Variants in ABLIM2 observed in about 807,000 individuals in gnomAD.
ABLIM2 encodes actin binding LIM protein family member 2.
Under a neutral mutation model 97.7 loss-of-function variants are expected in ABLIM2, and 53 were observed. That is an observed-to-expected ratio of 0.54 (90% CI 0.44 to 0.68). The LOEUF (loss-of-function observed/expected upper bound fraction) is 0.68. Ranked by LOEUF, ABLIM2 falls within the 30% of genes least tolerant of loss-of-function variation. ABLIM2 has a pLI of 0.00. For missense variants in ABLIM2, 835 were observed against 867.2 expected (o/e 0.96, Z 0.47); for synonymous variants, 361 against 345.8 (o/e 1.04, Z -0.49).
Position 8,112,039 on chromosome 4 carries a change from T to C in ABLIM2, c.11-5402A>G, listed in dbSNP as rs1433630447. Among the ~76,000 whole-genome samples the C allele has an allele frequency of 6.6e-6, 1 of 152,156 alleles. No homozygotes were observed. The highest frequency in any genetic ancestry group is 1.5e-5 in the Non-Finnish European group (1 of 68,030). Reference sequence around the variant, plus strand: ...ATTTGGCTTAACAAGTCTCTAACTGTGATAATAACATAGAACATAAACTCA... The same window carrying C: ...ATTTGGCTTAACAAGTCTCTAACTGCGATAATAACATAGAACATAAACTCA... On this transcript the variant is annotated intron_variant, in intron 1 of 20. Transcript: ENST00000447017. This position sits in a 1 kb window ranked among gnomAD's most constrained non-coding sequence, Gnocchi z 4.2.
chr4:8,040,353 G>A (rs538995292), intron 9 of ABLIM2, among the ~76,000 whole-genome samples: 2 of 152,178 alleles, frequency 1.3e-5, no homozygotes, highest in African/African-American at 4.8e-5. Context: ...GCTCACACCT[G>A]TACCCCCAGC....
rs929500561 is a variant in ABLIM2, at chr4:8,072,409, C to T, written c.675+5219G>A. Among the ~76,000 whole-genome samples the T allele has an allele frequency of 1.3e-5, 2 of 152,194 alleles. No homozygotes were observed. Among genetic ancestry groups the T allele is most frequent in the African/African-American group, 2.4e-5 (1 of 41,454 alleles). On this transcript the variant is annotated intron_variant, in intron 6 of 20. Transcript: ENST00000447017. The surrounding 1 kb of genome is among the most constrained non-coding windows in gnomAD (Gnocchi z 5.8). The stretch of plus-strand genomic sequence containing the variant: ...CCCCAGTTTGGGTGGGGTCTGCCCC[C>T]GACCCCAGGCCAGGGCCTCTCTGGT...
In ABLIM2 at chr4:8,095,814, C is replaced by T. The variant is rs968546525; in HGVS notation, c.338+1285G>A. Among the ~76,000 whole-genome samples, 1 of 152,200 alleles carries T rather than the reference C, an allele frequency of 6.6e-6. No homozygotes were observed. The highest frequency in any genetic ancestry group is 1.5e-5 in the Non-Finnish European group (1 of 68,034). On this transcript the variant is annotated intron_variant, in intron 3 of 20. Coordinates refer to ENST00000447017, the MANE Select transcript of ABLIM2 (RefSeq NM_001130083.2). This position sits in a 1 kb window ranked among gnomAD's most constrained non-coding sequence, Gnocchi z 4.7. ...CCACACTGCATGCCCTGGGGTTCGA[C>T]GAGGAATCTCTGCCCTGGACAGGAC...
At position 8,068,377 on chromosome 4, in the gene ABLIM2, G is replaced by C. The variant is rs1325455855; in HGVS notation, c.676-7323C>G. Among the ~76,000 whole-genome samples the C allele has an allele frequency of 6.6e-6, 1 of 152,182 alleles. No homozygotes were observed. Among genetic ancestry groups the C allele is most frequent in the Non-Finnish European group, 1.5e-5 (1 of 68,026 alleles). On this transcript the variant is annotated intron_variant, in intron 6 of 20. Coordinates refer to ENST00000447017, the MANE Select transcript of ABLIM2 (RefSeq NM_001130083.2). The surrounding 1 kb of genome is among the most constrained non-coding windows in gnomAD (Gnocchi z 4.5). ...CACCCACAGCCTGTGGTGGCTCAGG[G>C]TGACCACAGGTCCTCAGCCAGTGCT...
chr4:8,034,202 T>G (rs1782751207), intron 10 of ABLIM2, among the ~76,000 whole-genome samples: 1 of 152,186 alleles, frequency 6.6e-6, no homozygotes, highest in Admixed American at 6.5e-5. Flanking sequence ...GCAGACCAGA[T>G]GTTGGACAAT....
intron 16 of ABLIM2, among the ~76,000 whole-genome samples, chr4:7,997,052 T>A (rs997916555): frequency 1.3e-5 from 2 of 152,144 alleles, no homozygotes; most frequent in African/African-American, 4.8e-5. Flanking sequence ...ATTGTTAGGT[T>A]TTCAGACATT....
Position 8,097,149 on chromosome 4 carries a change from C to T in ABLIM2, c.288G>A (p.Ser96=), listed in dbSNP as rs746496788. Reference sequence around the variant, plus strand: ...CGGGGTGGTAGGTCTTGCCCAGCGCCGACACCACCTCACCCTCAATGAACT... The same window carrying T: ...CGGGGTGGTAGGTCTTGCCCAGCGCTGACACCACCTCACCCTCAATGAACT... ...CDQFIEGEVV[S]ALGKTYHPDC... is the part of the protein sequence containing the mutation. Residue 96 remains serine, a synonymous_variant, in exon 3 of 21, where the codon TCG becomes TCA. Coordinates refer to ENST00000447017, the MANE Select transcript of ABLIM2 (RefSeq NM_001130083.2). 16 of 1,611,136 alleles carry T rather than the reference C, an allele frequency of 9.9e-6. No homozygotes were observed. The highest frequency in any genetic ancestry group is 5.3e-5 in the African/African-American group (4 of 74,898).
rs1038091009 is a variant in ABLIM2, at chr4:8,068,169, G to T, written c.676-7115C>A. ...CCTCGGCCGCTGGTTGTTCCAGTGG[G>T]CGCACGGCTCCCCAGGCAGGCGGAA... On this transcript the variant is annotated intron_variant, in intron 6 of 20. Transcript: ENST00000447017. The surrounding 1 kb of genome is among the most constrained non-coding windows in gnomAD (Gnocchi z 4.5). Among the ~76,000 whole-genome samples the T allele has an allele frequency of 1.9e-4, 29 of 152,172 alleles. No homozygotes were observed. Among genetic ancestry groups the T allele is most frequent in the Non-Finnish European group, 8.8e-5 (6 of 68,030 alleles).
At chr4:8,137,058 CA>C (rs1850289661) in intron 1 of ABLIM2, among the ~76,000 whole-genome samples, 1 of 152,216 alleles carries the variant, frequency 6.6e-6, no homozygotes, top group East Asian at 1.9e-4. Flanking sequence ...AGGCGGCCCC[CA>C]ACAGAGCCCA....
Position 8,058,555 on chromosome 4 carries a change from A to AGACCTGTCCT in ABLIM2, c.763+2411_763+2412insAGGACAGGTC, listed in dbSNP as rs1800840507. Among the ~76,000 whole-genome samples, 2 of 152,066 alleles carry AGACCTGTCCT rather than the reference A, an allele frequency of 1.3e-5. No homozygotes were observed. The highest frequency in any genetic ancestry group is 2.9e-5 in the Non-Finnish European group (2 of 67,994). On this transcript the variant is annotated intron_variant, in intron 7 of 20. Coordinates refer to ENST00000447017, the MANE Select transcript of ABLIM2 (RefSeq NM_001130083.2). This position sits in a 1 kb window ranked among gnomAD's most constrained non-coding sequence, Gnocchi z 4.2. The stretch of plus-strand genomic sequence containing the variant: ...GAGCTGTGGCTAAAGAGATGAAGTC[A>AGACCTGTCCT]CAATAGCAGACCTGTCCTCGCCGGG...
chr4:8,149,677 A>C lies in ABLIM2; in HGVS notation c.10+9003T>G, dbSNP rs1052455306. Among the ~76,000 whole-genome samples, 2 of 151,952 alleles carry C rather than the reference A, an allele frequency of 1.3e-5. No individual in the cohort carries two copies. The highest frequency in any genetic ancestry group is 4.8e-5 in the African/African-American group (2 of 41,370). On this transcript the variant is annotated intron_variant, in intron 1 of 20. Transcript: ENST00000447017. This position sits in a 1 kb window ranked among gnomAD's most constrained non-coding sequence, Gnocchi z 6.4. ...GATCAGGGCAAAGACAGCACATAGTAGGTGCTTAATAAATAGTCGTGGAGG... is the reference window on the plus strand; with the variant it reads ...GATCAGGGCAAAGACAGCACATAGTCGGTGCTTAATAAATAGTCGTGGAGG...
In ABLIM2 at chr4:7,966,866, C is replaced by CT; in HGVS notation, c.*123dup. The stretch of plus-strand genomic sequence containing the variant: ...GGGGCCGCACCTGCTGGGGGACCCC[C>CT]TCCCGCCCACCCCATGGACACAGAG... On this transcript the variant is annotated 3_prime_UTR_variant, in exon 21 of 21. Transcript: ENST00000447017. The CT allele has an allele frequency of 4.9e-6, 1 of 203,664 alleles. No individual in the cohort carries two copies. Among genetic ancestry groups the CT allele is most frequent in the Non-Finnish European group, 9.9e-6 (1 of 101,384 alleles). The allele number at this position is 203,664 out of a possible 1,614,324, so 12.6% of individuals were successfully genotyped here. A position where few individuals can be genotyped will look rare whatever the true frequency, so the allele number is the denominator to read the frequency against.
chr4:7,983,610 T>C, intron 18 of ABLIM2, 56 bp from the exon 19 acceptor site: 1 of 1,602,416 alleles, frequency 6.2e-7, no homozygotes, highest in Non-Finnish European at 8.5e-7. Context: ...CAAGATGTCG[T>C]CCAAGGTGAG....
At chr4:8,010,450 G>C in intron 14 of ABLIM2, 2 of 985,878 alleles carry the variant, frequency 2.0e-6, no homozygotes, top group Non-Finnish European at 2.4e-6. Context: ...CGGCGGGCTC[G>C]GGCCCGTCTG....
chr4:7,978,450 C>CA lies in ABLIM2; in HGVS notation c.1824+4813dup, dbSNP rs773305777. The stretch of plus-strand genomic sequence containing the variant: ...TACAATTTTCATGTTGTATTATTGC[C>CA]AAAAAAAAGTGAAATAGAAGTCCTG... On this transcript the variant is annotated intron_variant, in intron 20 of 20. Coordinates refer to ENST00000447017, the MANE Select transcript of ABLIM2 (RefSeq NM_001130083.2). 8.6e-5 allele frequency among the ~76,000 whole-genome samples: 13 copies of CA among 151,896 alleles called. No homozygotes were observed. The East Asian group carries it at 9.7e-4, about 11-fold the overall frequency.
Position 8,112,340 on chromosome 4 carries a change from G to A in ABLIM2, c.11-5703C>T, listed in dbSNP as rs1840752529. 6.6e-6 allele frequency among the ~76,000 whole-genome samples: 1 copy of A among 152,246 alleles called. No homozygotes were observed. The highest frequency in any genetic ancestry group is 1.5e-5 in the Non-Finnish European group (1 of 68,052). ...GGCAGCGGTGTGACCTTGGTGAATGGATTTAACTCTGCAAAGCCTCAGTTT... is the reference window on the plus strand; with the variant it reads ...GGCAGCGGTGTGACCTTGGTGAATGAATTTAACTCTGCAAAGCCTCAGTTT... On this transcript the variant is annotated intron_variant, in intron 1 of 20. Transcript: ENST00000447017. The surrounding 1 kb of genome is among the most constrained non-coding windows in gnomAD (Gnocchi z 4.2).
chr4:8,081,985 G>A (rs139579891), intron 4 of ABLIM2, among the ~76,000 whole-genome samples: 9 of 152,272 alleles, frequency 5.9e-5, no homozygotes, highest in African/African-American at 2.2e-4. Flanking sequence ...CTGCATGTGC[G>A]AATATGTCTG....
At chr4:8,116,706 G>T (rs1039185525) in intron 1 of ABLIM2, among the ~76,000 whole-genome samples, 4 of 152,182 alleles carry the variant, frequency 2.6e-5, no homozygotes, top group Non-Finnish European at 4.4e-5. Flanking sequence ...AATAAGGATT[G>T]GATATAGCAC....
At chr4:8,020,369 A>G (rs1472890143) in intron 12 of ABLIM2, 66 bp from the exon 13 acceptor site, 2 of 1,398,174 alleles carry the variant, frequency 1.4e-6, no homozygotes, top group South Asian at 2.4e-5. Context: ...GAATATTTCA[A>G]GCATGAAAAG....
Sources: gnomAD v4.1 joint callset for allele counts (sites outside exome capture counted in the v4.1 genomes callset) on GRCh38, gnomAD v4.1.1 for gene constraint, Gnocchi (gnomAD v3.1) non-coding constraint, MANE v1.5 for transcripts, NCBI Gene and HGNC (gene_info 2026-07-23, HGNC 2026-07-21) for gene names.